The following APBB2 variants were observed in gnomAD, a reference collection of about 807,000 sequenced individuals.
APBB2 encodes Fe65-like 1.
A neutral mutation model predicts 82.5 loss-of-function variants in APBB2; 38 were observed. The ratio of observed to expected loss-of-function variants is 0.46; its 90% CI spans 0.36 to 0.60. APBB2 has a LOEUF of 0.60. Ranked by LOEUF, APBB2 falls within the 20% of genes least tolerant of loss-of-function variation. The pLI is 0.00. For synonymous variants in APBB2, 341 were observed against 368.2 expected (o/e 0.93, Z 0.85); for missense variants, 772 against 972.3 (o/e 0.79, Z 2.74).
At chr4:41,091,792 T>C (rs753683259) in intron 3 of APBB2, among the ~76,000 whole-genome samples, 1 of 152,180 alleles carries the variant, frequency 6.6e-6, no homozygotes, top group Non-Finnish European at 1.5e-5. Flanking sequence ...TATGTCCTCT[T>C]AAAAGGCAGC....
intron 2 of APBB2, among the ~76,000 whole-genome samples, chr4:41,108,321 A>G (rs1003036984): frequency 1.3e-5 from 2 of 152,184 alleles, no homozygotes; most frequent in East Asian, 1.9e-4. Flanking sequence ...ACTGACGCAC[A>G]TAGGAATATA....
intron 15 of APBB2, 174 bp downstream of exon 15, chr4:40,825,713 C>G: frequency 8.3e-6 from 5 of 602,832 alleles, no homozygotes; most frequent in South Asian, 1.9e-5. Flanking sequence ...GCCTGTCCCT[C>G]TACTCATCTT....
At chr4:41,142,463 TG>T (rs1690166441) in intron 2 of APBB2, among the ~76,000 whole-genome samples, 1 of 152,192 alleles carries the variant, frequency 6.6e-6, no homozygotes, top group African/African-American at 2.4e-5. Flanking sequence ...TGGTGGCTTT[TG>T]TTTGGGGAAA....
rs1475226620 is a variant in APBB2, at chr4:41,014,379, G to A, written c.39C>T (p.Thr13=). 2.8e-5 allele frequency: 45 copies of A among 1,613,942 alleles called. No homozygotes were observed. The highest frequency in any genetic ancestry group is 3.7e-5 in the Non-Finnish European group (44 of 1,180,000). ...EVLPADSGVD[T]LAVFMASSGT... ...CGCTGCTGGCCATAAACACTGCCAA[G>A]GTGTCAACACCTGAGTCAGCTGGGG... The change falls in exon 6 of 18, where the codon ACC becomes ACT. Residue 13 remains threonine (T), a synonymous_variant. Coordinates refer to ENST00000508593, the MANE Select transcript of APBB2 (RefSeq NM_004307.2).
chr4:40,960,910 C>G (rs1793002803), intron 6 of APBB2, among the ~76,000 whole-genome samples: 1 of 151,626 alleles, frequency 6.6e-6, no homozygotes, highest in South Asian at 2.1e-4. Flanking sequence ...AAATTCTAAC[C>G]ATTGAAGTGT....
chr4:41,143,133 C>T lies in APBB2; in HGVS notation c.-407G>A, dbSNP rs545565120. On this transcript the variant is annotated 5_prime_UTR_variant, in exon 2 of 18. Transcript: ENST00000508593. ...ACAGACCACAGCAGCTCACCCACAG[C>T]AACTCCAACCTGGGGGGGCAAAGGC... is the stretch of plus-strand genomic sequence containing the variant. 6.6e-6 allele frequency: 1 copy of T among 152,382 alleles called. No homozygotes were observed. The highest frequency in any genetic ancestry group is 2.1e-4 in the South Asian group (1 of 4,826). The allele number at this position is 152,382 out of a possible 1,614,324, so 9.4% of individuals were successfully genotyped here.
At chr4:41,085,043 G>A (rs1378009353) in intron 3 of APBB2, among the ~76,000 whole-genome samples, 1 of 152,170 alleles carries the variant, frequency 6.6e-6, no homozygotes, top group Non-Finnish European at 1.5e-5. Context: ...AAGGTCAGGA[G>A]ATCGAGACCA....
At chr4:40,953,805 G>A (rs1790870343) in intron 6 of APBB2, among the ~76,000 whole-genome samples, 2 of 152,228 alleles carry the variant, frequency 1.3e-5, no homozygotes. Flanking sequence ...GACAGGTCAA[G>A]AGTGGGAGCT....
At chr4:40,968,628 C>A (rs1795238290) in intron 6 of APBB2, among the ~76,000 whole-genome samples, 1 of 152,142 alleles carries the variant, frequency 6.6e-6, no homozygotes, top group African/African-American at 2.4e-5. Context: ...TCCAAATGGA[C>A]ACTCACTGGT....
chr4:40,973,846 A>C (rs1796517662), intron 6 of APBB2, among the ~76,000 whole-genome samples: 1 of 142,796 alleles, frequency 7.0e-6, no homozygotes. Context: ...TCTGTCTCCA[A>C]ATTTCCTTTT....
chr4:40,884,159 T>C (rs965033487), intron 12 of APBB2, among the ~76,000 whole-genome samples: 3 of 152,178 alleles, frequency 2.0e-5, no homozygotes, highest in African/African-American at 7.2e-5. Context: ...AGCTTCCCAT[T>C]TGGGCTGGCA....
chr4:41,134,782 C>T (rs944897090), intron 2 of APBB2, among the ~76,000 whole-genome samples: 2 of 152,150 alleles, frequency 1.3e-5, no homozygotes, highest in African/African-American at 4.8e-5. Flanking sequence ...GCACATGCAA[C>T]CTCTCCCCAG....
chr4:41,149,501 A>G (rs989515765), intron 1 of APBB2, among the ~76,000 whole-genome samples: 1 of 112,696 alleles, frequency 8.9e-6, no homozygotes, highest in Admixed American at 8.9e-5. Context: ...GGAGAAGGGA[A>G]GGCACAGGCG....
At chr4:41,094,370 A>G (rs948971198) in intron 3 of APBB2, among the ~76,000 whole-genome samples, 1 of 152,222 alleles carries the variant, frequency 6.6e-6, no homozygotes, top group Admixed American at 6.5e-5. Flanking sequence ...CAAGTCACAA[A>G]TTATTTTTCA....
At chr4:40,865,133 C>G (rs953502857) in intron 12 of APBB2, among the ~76,000 whole-genome samples, 1 of 152,146 alleles carries the variant, frequency 6.6e-6, no homozygotes, top group Non-Finnish European at 1.5e-5. Context: ...GCTGGAATTA[C>G]AGGTGTGAGC....
At chr4:40,971,238 A>C (rs1384292551) in intron 6 of APBB2, among the ~76,000 whole-genome samples, 1 of 152,210 alleles carries the variant, frequency 6.6e-6, no homozygotes, top group African/African-American at 2.4e-5. Context: ...AAAAAAAATT[A>C]ATCCTAAAAT....
chr4:41,033,321 A>G lies in APBB2; in HGVS notation c.-50-17T>C. ...ATTTGAAATCTAAAAAGAAGGGATC[A>G]TTTGAGAAATTAAAACTCCAAATAA... On this transcript the variant is annotated splice_polypyrimidine_tract_variant and intron_variant, in intron 4 of 17. Coordinates refer to ENST00000508593, the MANE Select transcript of APBB2 (RefSeq NM_004307.2). 6.8e-7 allele frequency: 1 copy of G among 1,476,430 alleles called. No homozygotes were observed. Among genetic ancestry groups the G allele is most frequent in the African/African-American group, 1.4e-5 (1 of 70,118 alleles). The allele number at this position is 1,476,430 out of a possible 1,614,324, so 91.5% of individuals were successfully genotyped here. A position where few individuals can be genotyped will look rare whatever the true frequency, so the allele number is the denominator to read the frequency against.
chr4:41,137,105 C>T (rs896021164), intron 2 of APBB2, among the ~76,000 whole-genome samples: 2 of 151,896 alleles, frequency 1.3e-5, no homozygotes, highest in African/African-American at 4.8e-5. Context: ...GAAAAATGTC[C>T]CATTTTCATA....
chr4:41,214,381 G>A (rs936986685), intron 1 of APBB2, 24 bp downstream of exon 1: 2 of 152,300 alleles, frequency 1.3e-5, no homozygotes, highest in South Asian at 2.1e-4. Flanking sequence ...CCGGGGCAAA[G>A]GCAAGGAAGA....
Sources: gnomAD v4.1 joint callset for allele counts (sites outside exome capture counted in the v4.1 genomes callset) on GRCh38, gnomAD v4.1.1 for gene constraint, MANE v1.5 for transcripts, NCBI Gene and HGNC (gene_info 2026-07-23, HGNC 2026-07-21) for gene names.